The following KCNT1 variants were observed in gnomAD, a reference collection of about 807,000 sequenced individuals.
KCNT1 encodes potassium channel subfamily T member 1.
A neutral mutation model predicts 147.8 loss-of-function variants in KCNT1; 78 were observed. The ratio of observed to expected loss-of-function variants is 0.53; its 90% CI spans 0.44 to 0.64. The LOEUF (loss-of-function observed/expected upper bound fraction) is 0.64. Among genes scored for constraint, KCNT1 ranks in the 30% least tolerant of loss-of-function variants. The pLI, the probability that KCNT1 is intolerant of heterozygous loss-of-function variation, is 0.00. For missense variants in KCNT1, 1,419 were observed against 1,750.3 expected (o/e 0.81, Z 3.38); for synonymous variants, 867 against 748.8 (o/e 1.16, Z -2.58).
chr9:135,763,100 C>A (rs898154620), intron 11 of KCNT1, among the ~76,000 whole-genome samples: 2 of 152,220 alleles, frequency 1.3e-5, no homozygotes, highest in African/African-American at 4.8e-5. Context: ...TGGGGGCTGG[C>A]GCACCCTCCC....
rs1160741906 is a variant in KCNT1 at position 135,730,770 on chromosome 9, G to A, written c.254+16050G>A. ...GGAGGCCAAGGCAGGCAGATCTCTC[G>A]AGCTCAGGAGTTCCAGACCAGCCTG... On this transcript the variant is annotated intron_variant, in intron 2 of 30. Transcript: ENST00000371757. The surrounding 1 kb of genome is among the most constrained non-coding windows in gnomAD (Gnocchi z 4.7). Among the ~76,000 whole-genome samples, 4 of 152,030 alleles carry A rather than the reference G, an allele frequency of 2.6e-5. No homozygotes were observed. Among genetic ancestry groups the A allele is most frequent in the African/African-American group, 4.8e-5 (2 of 41,382 alleles).
At chr9:135,778,060 C>G (rs1365703347) in intron 21 of KCNT1, among the ~76,000 whole-genome samples, 4 of 151,998 alleles carry the variant, frequency 2.6e-5, no homozygotes, top group African/African-American at 7.3e-5. Flanking sequence ...TCCCTTGTCA[C>G]TCCTTCTGTC....
Position 135,777,530 on chromosome 9 carries a change from G to GGCCC in KCNT1, c.2522+20_2522+21insGCCC. The GGCCC allele has an allele frequency of 4.4e-6, 7 of 1,588,400 alleles. No homozygotes were observed. Among genetic ancestry groups the GGCCC allele is most frequent in the Non-Finnish European group, 2.6e-6 (3 of 1,166,978 alleles). ...CAACAAGTGAGGCTCCTGGGGCTCA[G>GGCCC]CCCACCCCGCCCACCCGGGCCCTCA... is the stretch of plus-strand genomic sequence containing the variant. On this transcript the variant is annotated intron_variant, in intron 21 of 30. Coordinates refer to ENST00000371757, the MANE Select transcript of KCNT1 (RefSeq NM_020822.3).
At chr9:135,777,294 A>G in intron 20 of KCNT1, 44 bp from the exon 21 acceptor site, 1 of 1,585,026 alleles carries the variant, frequency 6.3e-7, no homozygotes, top group Non-Finnish European at 8.6e-7. Flanking sequence ...GCCAGCAGGA[A>G]CCACAGCCCT....
chr9:135,705,895 C>T (rs573582696), intron 1 of KCNT1, among the ~76,000 whole-genome samples: 1 of 88,912 alleles, frequency 1.1e-5, no homozygotes, highest in Non-Finnish European at 2.2e-5. Context: ...CTCCCTAGAT[C>T]GGGGGCGGGA....
chr9:135,735,274 G>A (rs113413928), intron 2 of KCNT1, among the ~76,000 whole-genome samples: 37 of 152,324 alleles, frequency 2.4e-4, no homozygotes, highest in African/African-American at 8.9e-4. Context: ...CAGGTATCGG[G>A]AGCGCCAGTG....
In KCNT1 at chr9:135,793,627, C is replaced by G. The variant is rs939911225; in HGVS notation, c.*1466C>G. 6.6e-6 allele frequency: 1 copy of G among 152,378 alleles called. No individual in the cohort carries two copies. Among genetic ancestry groups the G allele is most frequent in the Admixed American group, 6.5e-5 (1 of 15,276 alleles). 9.4% of individuals were successfully genotyped at this position (152,378 alleles called of 1,614,324 possible). ...AAGGACCAAAAGGCCGAGGTGCAGC[C>G]CCTCCCCGGTGTCAGGGCAGACAAC... is the stretch of plus-strand genomic sequence containing the variant. On this transcript the variant is annotated 3_prime_UTR_variant, in exon 31 of 31. Coordinates refer to ENST00000371757, the MANE Select transcript of KCNT1 (RefSeq NM_020822.3).
chr9:135,717,483 G>C (rs572971703), intron 2 of KCNT1, among the ~76,000 whole-genome samples: 1 of 152,244 alleles, frequency 6.6e-6, no homozygotes, highest in African/African-American at 2.4e-5. Context: ...CCGGTTCCCA[G>C]CAGCTTTGCC....
intron 23 of KCNT1, 87 bp from the exon 24 acceptor site, chr9:135,779,272 C>T (rs923230001): frequency 9.2e-6 from 7 of 762,350 alleles, no homozygotes; most frequent in African/African-American, 7.2e-5. Flanking sequence ...CGCCCTGAGA[C>T]CCCCACAGCC....
At position 135,784,044 on chromosome 9, in the gene KCNT1, C is replaced by T. The variant is rs2131570981; in HGVS notation, c.2862C>T (p.Ser954=). The part of the protein sequence containing the change: ...KLEKRERENG[S]NLAFMFRLPF... ...CACAGAGGGAGCGAGAGAATGGCTC[C>T]AACCTGGCCTTCATGTTCCGCCTGC... Residue 954 remains serine, a synonymous_variant, in exon 25 of 31, where the codon TCC becomes TCT. Coordinates refer to ENST00000371757, the MANE Select transcript of KCNT1 (RefSeq NM_020822.3). 6.2e-7 allele frequency: 1 copy of T among 1,606,540 alleles called. No homozygotes were observed.
intron 19 of KCNT1, among the ~76,000 whole-genome samples, chr9:135,774,605 G>T (rs1427018932): frequency 6.6e-6 from 1 of 151,710 alleles, no homozygotes; most frequent in Non-Finnish European, 1.5e-5. Context: ...TACGTGTTGT[G>T]TGTTGTGTAT....
At chr9:135,734,094 G>T (rs1331848187) in intron 2 of KCNT1, among the ~76,000 whole-genome samples, 1 of 152,208 alleles carries the variant, frequency 6.6e-6, no homozygotes, top group Non-Finnish European at 1.5e-5. Flanking sequence ...TCTCTGCAGG[G>T]CTCTTGGAGA....
chr9:135,771,322 A>T lies in KCNT1; in HGVS notation c.2008+227A>T. 4 of 600,738 alleles carry T rather than the reference A, an allele frequency of 6.7e-6. No homozygotes were observed. The South Asian group carries it at 8.0e-5, about 12-fold the overall frequency. 37.2% of individuals were successfully genotyped at this position (600,738 alleles called of 1,614,324 possible). A position where few individuals can be genotyped will look rare whatever the true frequency, so the allele number is the denominator to read the frequency against. Reference sequence around the variant, plus strand: ...AGGAGACCAGACCGGGCAGGGCAGGAGACCAGGCCAATGTGGCCCCCAGAC... The same window carrying T: ...AGGAGACCAGACCGGGCAGGGCAGGTGACCAGGCCAATGTGGCCCCCAGAC... On this transcript the variant is annotated intron_variant, in intron 18 of 30. Transcript: ENST00000371757.
At chr9:135,750,506 G>A (rs538195121) in intron 3 of KCNT1, 16 of 476,096 alleles carry the variant, frequency 3.4e-5, no homozygotes, top group South Asian at 2.0e-4. Flanking sequence ...CTGTGGCCAC[G>A]CCCTGCCTCC....
At chr9:135,784,504 T>G in intron 25 of KCNT1, 31 bp from the exon 26 acceptor site, 1 of 177,968 alleles carries the variant, frequency 5.6e-6, no homozygotes. Flanking sequence ...CCTCCCTCCC[T>G]CCCTCCCTCC....
At chr9:135,785,241 C>A in intron 27 of KCNT1, 69 bp from the exon 28 acceptor site, 1 of 1,599,146 alleles carries the variant, frequency 6.3e-7, no homozygotes, top group South Asian at 1.1e-5. Flanking sequence ...CGTGCAGACC[C>A]CAGGCTGAGG....
At chr9:135,770,158 G>C in intron 16 of KCNT1, 103 bp downstream of exon 16, 1 of 1,373,498 alleles carries the variant, frequency 7.3e-7, no homozygotes, top group Non-Finnish European at 9.9e-7. Context: ...CCAGAGGAGG[G>C]GCACATGGCG....
At chr9:135,725,621 C>T (rs554382966) in intron 2 of KCNT1, among the ~76,000 whole-genome samples, 1 of 152,262 alleles carries the variant, frequency 6.6e-6, no homozygotes, top group East Asian at 1.9e-4. Context: ...TGGTATTGAG[C>T]CCCAGGACAC....
rs1344941575 is a variant in KCNT1, at chr9:135,744,600, C to CG, written c.255-5492dup. 3.3e-5 allele frequency among the ~76,000 whole-genome samples: 5 copies of CG among 152,346 alleles called. 2 individuals carry two copies. The South Asian group carries it at 1.0e-3, about 32-fold the overall frequency. Reference sequence around the variant, plus strand: ...GGCAAGCGTGGGCCTCGGGGAGCCTCGGGGGGCTACAGCGGGCTTCAGCCG... The same window carrying CG: ...GGCAAGCGTGGGCCTCGGGGAGCCTCGGGGGGGCTACAGCGGGCTTCAGCCG... On this transcript the variant is annotated intron_variant, in intron 2 of 30. Transcript: ENST00000371757.
Sources: allele counts gnomAD v4.1 joint callset (sites outside exome capture counted in the v4.1 genomes callset), GRCh38; gene constraint gnomAD v4.1.1; non-coding constraint Gnocchi (gnomAD v3.1); transcripts MANE v1.5; gene names NCBI Gene and HGNC (gene_info 2026-07-23, HGNC 2026-07-21).